SERPINE2: variants seen among roughly 807,000 people sequenced by gnomAD.
The protein encoded by SERPINE2 is serpin family E member 2.
In SERPINE2, 14 loss-of-function variants were observed where a neutral mutation model predicts 36.3. The ratio of observed to expected loss-of-function variants is 0.39; its 90% confidence interval spans 0.25 to 0.60. SERPINE2 has a LOEUF of 0.60. SERPINE2 is among the 20% of genes least tolerant of loss of function. The probability of loss-of-function intolerance (pLI) is 0.57; values close to 1 mark genes in which losing one functional copy is unlikely to be tolerated. For synonymous variants in SERPINE2, 192 were observed against 191.8 expected, an observed-to-expected ratio of 1.00 and a Z score of -0.01; for missense variants, 418 against 499.6, an observed-to-expected ratio of 0.84 and a Z score of 1.56.
rs1690071258 is a variant in SERPINE2, at chr2:223,977,883, A to C, written c.1073-256T>G. The C allele has an allele frequency of 9.6e-6, 4 of 417,834 alleles. No individual in the cohort carries two copies. The South Asian group carries it at 1.3e-4, about 13-fold the overall frequency. The allele number at this position is 417,834 out of a possible 1,614,324, so 25.9% of individuals were successfully genotyped here. ...TCTCTGATAAACATACTTACTCCTC[A>C]TAGAGTTTTGATGAGAATTAAATGA... On this transcript the variant is annotated intron_variant, in intron 7 of 8. Transcript: ENST00000409304.
intron 4 of SERPINE2, among the ~76,000 whole-genome samples, chr2:223,987,801 C>T (rs537177857): frequency 6.6e-6 from 1 of 152,190 alleles, no homozygotes; most frequent in East Asian, 1.9e-4. Flanking sequence ...CTAGGGAAGA[C>T]GTAACTAGGC....
At chr2:224,024,806 TA>T (rs2106195340) in intron 1 of SERPINE2, among the ~76,000 whole-genome samples, 1 of 152,334 alleles carries the variant, frequency 6.6e-6, no homozygotes, top group South Asian at 2.1e-4. Flanking sequence ...CTTCTAGAAT[TA>T]AAAGTCAATG....
At chr2:224,006,525 T>C (rs571593089) in intron 1 of SERPINE2, among the ~76,000 whole-genome samples, 201 of 152,292 alleles carry the variant, frequency 1.3e-3, no homozygotes, top group South Asian at 0.012. Context: ...TCCTATAGCA[T>C]TTCCTATTTG....
intron 4 of SERPINE2, among the ~76,000 whole-genome samples, chr2:223,989,945 A>G (rs1169371394): frequency 1.3e-5 from 2 of 152,222 alleles, no homozygotes; most frequent in Non-Finnish European, 2.9e-5. Flanking sequence ...ACCCTGGACA[A>G]GAAACGGTGG....
Position 224,005,055 on chromosome 2 carries a change from TTTATATATATTATA to T in SERPINE2, c.-22-3147_-22-3134del, listed in dbSNP as rs1400249391. 1.5e-3 allele frequency among the ~76,000 whole-genome samples: 141 copies of T among 95,372 alleles called. 3 individuals are homozygous for T. Among genetic ancestry groups the T allele is most frequent in the African/African-American group, 9.2e-3 (129 of 13,950 alleles). 62.6% of individuals were successfully genotyped at this position (95,372 alleles called of 152,430 possible). A position where few individuals can be genotyped will look rare whatever the true frequency, so the allele number is the denominator to read the frequency against. On this transcript the variant is annotated intron_variant, in intron 1 of 8. Transcript: ENST00000409304. ...TAATATATAAATATATTTTATATAT[TTTATATATATTATA>T]TATATATATATATATATATATATAT...
intron 1 of SERPINE2, among the ~76,000 whole-genome samples, chr2:224,003,511 G>C (rs1691272569): frequency 6.6e-6 from 1 of 152,142 alleles, no homozygotes; most frequent in Non-Finnish European, 1.5e-5. Flanking sequence ...AGTTACAATA[G>C]GGTAGGACAA....
intron 5 of SERPINE2, among the ~76,000 whole-genome samples, chr2:223,984,061 G>C (rs774965212): frequency 9.9e-5 from 15 of 151,780 alleles, no homozygotes; most frequent in Non-Finnish European, 1.9e-4. Flanking sequence ...AAAGCTATTA[G>C]AACTCTCCAC....
chr2:223,986,031 G>A (rs893494870), intron 4 of SERPINE2, among the ~76,000 whole-genome samples: 10 of 152,172 alleles, frequency 6.6e-5, no homozygotes, highest in African/African-American at 2.4e-4. Flanking sequence ...TTTCTTTGGA[G>A]ATGACATGTG....
chr2:224,030,151 G>A lies in SERPINE2; in HGVS notation c.-23+8948C>T, dbSNP rs1412282449. ...AATGCAAGGGTGGAGTCAGAAGGAG[G>A]TTATTTCATGCAACAGCCTTCCTTT... On this transcript the variant is annotated intron_variant, in intron 1 of 8. Transcript: ENST00000409304. 19 of 985,334 alleles carry A rather than the reference G, an allele frequency of 1.9e-5. No individual in the cohort carries two copies. In the South Asian group the frequency reaches 5.6e-4, roughly 29 times the overall value. The allele number at this position is 985,334 out of a possible 1,614,324, so 61.0% of individuals were successfully genotyped here. A position where few individuals can be genotyped will look rare whatever the true frequency, so the allele number is the denominator to read the frequency against.
Position 223,991,892 on chromosome 2 carries a change from G to C in SERPINE2, c.596C>G (p.Pro199Arg). 6.2e-7 allele frequency: 1 copy of C among 1,613,284 alleles called. No individual in the cohort carries two copies. The highest frequency in any genetic ancestry group is 8.5e-7 in the Non-Finnish European group (1 of 1,179,646). The change falls in exon 4 of 9, where the codon CCC (proline) becomes CGC (arginine). Residue 199 changes from proline to arginine, a missense_variant. By Grantham distance (103) the Pro-to-Arg change is moderately radical. Coordinates refer to ENST00000409304, the MANE Select transcript of SERPINE2 (RefSeq NM_001136528.2). The part of the protein sequence containing the change: ...FKGLWKSRFQ[P>R]ENTKKRTFVA... ...GAAAGTGCGTTTCTTTGTGTTCTCG[G>C]GTTGGAACCGTGATTTCCACAGACC... is the stretch of plus-strand genomic sequence containing the variant.
At chr2:224,005,098 A>ATATATATATAT (rs1559209284) in intron 1 of SERPINE2, among the ~76,000 whole-genome samples, 19 of 115,704 alleles carry the variant, frequency 1.6e-4, no homozygotes, top group Non-Finnish European at 1.9e-4. Context: ...TATATATATA[A>ATATATATATAT]AACATTGTAA....
chr2:223,977,544 C>T lies in SERPINE2; in HGVS notation c.1156G>A (p.Gly386Ser). 2 of 1,594,504 alleles carry T rather than the reference C, an allele frequency of 1.3e-6. No homozygotes were observed. Among genetic ancestry groups the T allele is most frequent in the Non-Finnish European group, 1.7e-6 (2 of 1,162,230 alleles). ...FLFFIRHNPT[G>S]AVLFMGQINK... ...ATGATGGAAGAGGAGAGTCACTTACCTGTAGGATTATGTCGGATGAAAAAC... is the reference window on the plus strand; with the variant it reads ...ATGATGGAAGAGGAGAGTCACTTACTTGTAGGATTATGTCGGATGAAAAAC... The change falls in exon 8 of 9, where the codon GGT becomes AGT. Residue 386 changes from glycine to serine, a missense_variant and splice_region_variant. Coordinates refer to ENST00000409304, the MANE Select transcript of SERPINE2 (RefSeq NM_001136528.2).
chr2:224,031,487 G>A, intron 1 of SERPINE2: 1 of 985,564 alleles, frequency 1.0e-6, no homozygotes, highest in Non-Finnish European at 1.2e-6. Context: ...TTGACCATGT[G>A]ATTTGGGATT....
intron 1 of SERPINE2, among the ~76,000 whole-genome samples, chr2:224,019,306 GTTA>G (rs1211890529): frequency 6.6e-6 from 1 of 152,130 alleles, no homozygotes; most frequent in Non-Finnish European, 1.5e-5. Flanking sequence ...TGTAATAAAA[GTTA>G]TTGGAATGTG....
intron 1 of SERPINE2, among the ~76,000 whole-genome samples, chr2:224,017,082 A>G (rs1257789638): frequency 6.6e-6 from 1 of 152,220 alleles, no homozygotes; most frequent in Non-Finnish European, 1.5e-5. Context: ...CATACATGTG[A>G]TAAAACTGCA....
At chr2:224,031,726 A>G (rs1015433169) in intron 1 of SERPINE2, among the ~76,000 whole-genome samples, 7 of 151,894 alleles carry the variant, frequency 4.6e-5, no homozygotes, top group African/African-American at 1.7e-4. Flanking sequence ...AAACTAAGCC[A>G]ATCAGAATTC....
At chr2:224,007,960 C>T (rs6436457) in intron 1 of SERPINE2, among the ~76,000 whole-genome samples, 103,271 of 151,788 alleles carry the variant, frequency 0.68, 35,615 homozygotes, top group Non-Finnish European at 0.75. Context: ...ACGCTTTTTT[C>T]TTTGTTTATG....
rs1237799821 is a variant in SERPINE2 at position 223,975,868 on chromosome 2, C to T, written c.1193G>A (p.Ter398=). 6.3e-7 allele frequency: 1 copy of T among 1,591,520 alleles called. No individual in the cohort carries two copies. Among genetic ancestry groups the T allele is most frequent in the South Asian group, 1.2e-5 (1 of 86,748 alleles). The stretch of plus-strand genomic sequence containing the variant: ...TGCATGGTTTCTTTTGTATACTCTT[C>T]AGGGTTTGTTTATCTGCCCCATGAA... The part of the protein sequence containing the change: ...VLFMGQINKP[*] The change falls in exon 9 of 9, where the codon TGA becomes TAA. Residue 398 remains the stop codon, a stop_retained_variant. Coordinates refer to ENST00000409304, the MANE Select transcript of SERPINE2 (RefSeq NM_001136528.2).
At chr2:224,029,426 G>A (rs866044561) in intron 1 of SERPINE2, among the ~76,000 whole-genome samples, 2 of 152,154 alleles carry the variant, frequency 1.3e-5, no homozygotes, top group South Asian at 4.1e-4. Flanking sequence ...TTCCTATCTG[G>A]GAATGCTTGC....
Sources: gnomAD v4.1 joint callset for allele counts (sites outside exome capture counted in the v4.1 genomes callset) on GRCh38, gnomAD v4.1.1 for gene constraint, MANE v1.5 for transcripts, NCBI Gene and HGNC (gene_info 2026-07-23, HGNC 2026-07-21) for gene names.